Variants in GABRG3 observed in about 807,000 individuals in gnomAD.
The protein encoded by GABRG3 is gamma-aminobutyric acid receptor subunit gamma-3.
Under a neutral mutation model 48.8 loss-of-function variants are expected in GABRG3, and 25 were observed. The observed-to-expected ratio is 0.51, with a 90% CI of 0.37 to 0.72. GABRG3 has a LOEUF of 0.72. Among genes scored for constraint, GABRG3 ranks in the 30% least tolerant of loss-of-function variants. The pLI is 0.00. For missense variants in GABRG3, 394 were observed against 577.9 expected (o/e 0.68, Z 3.26); for synonymous variants, 227 against 217.6 (o/e 1.04, Z -0.38).
At chr15:27,266,107 C>T (rs558304188) in intron 3 of GABRG3, among the ~76,000 whole-genome samples, 13 of 152,004 alleles carry the variant, frequency 8.6e-5, no homozygotes, top group Middle Eastern at 3.4e-3. Context: ...CTTGAACTGC[C>T]GACCTCAGGT....
chr15:27,042,996 A>G lies in GABRG3; in HGVS notation c.270+16175A>G, dbSNP rs187176208. 9.5e-3 allele frequency among the ~76,000 whole-genome samples: 1,445 copies of G among 152,288 alleles called. 24 individuals are homozygous for G. The highest frequency in any genetic ancestry group is 0.033 in the African/African-American group (1,367 of 41,568). On this transcript the variant is annotated intron_variant, in intron 3 of 9. Coordinates refer to ENST00000615808, the MANE Select transcript of GABRG3 (RefSeq NM_033223.5). ...GTGGGGGCCTTGTATCCCTTTCTCC[A>G]GCCACGGGCTCCGCGTCCAGCCCTG...
At chr15:27,414,312 G>A (rs142309974) in intron 5 of GABRG3, among the ~76,000 whole-genome samples, 3 of 151,738 alleles carry the variant, frequency 2.0e-5, no homozygotes, top group East Asian at 3.9e-4. Flanking sequence ...TCTTTCTTCC[G>A]TGCTGTTATT....
Position 27,308,630 on chromosome 15 carries a change from T to TAATGTAAACATACGCTTATGTATAAAC in GABRG3, c.271-18178_271-18177insATGTAAACATACGCTTATGTATAAACA, listed in dbSNP as rs1566774794. On this transcript the variant is annotated intron_variant, in intron 3 of 9. Coordinates refer to ENST00000615808, the MANE Select transcript of GABRG3 (RefSeq NM_033223.5). ...GTAAACATACGCTTATATATAAACA[T>TAATGTAAACATACGCTTATGTATAAAC]ATAATGTAAACATACGCTTATGTAT... Among the ~76,000 whole-genome samples, 12 of 45,216 alleles carry TAATGTAAACATACGCTTATGTATAAAC rather than the reference T, an allele frequency of 2.7e-4. No homozygotes were observed. The South Asian group carries it at 2.7e-3, about 10-fold the overall frequency. 29.7% of individuals were successfully genotyped at this position (45,216 alleles called of 152,430 possible).
chr15:27,243,459 T>TGGA (rs1162107853), intron 3 of GABRG3, among the ~76,000 whole-genome samples: 31 of 152,222 alleles, frequency 2.0e-4, no homozygotes, highest in African/African-American at 7.2e-4. Flanking sequence ...ATACCCTGCT[T>TGGA]GCAGGGGACG....
intron 6 of GABRG3, among the ~76,000 whole-genome samples, chr15:27,490,888 A>AC (rs1208521344): frequency 1.2e-5 from 1 of 82,224 alleles, no homozygotes; most frequent in South Asian, 4.1e-4. Context: ...TCCTGCCACC[A>AC]CCCCCACCAC....
intron 6 of GABRG3, among the ~76,000 whole-genome samples, chr15:27,497,201 A>G (rs1326209579): frequency 1.3e-5 from 2 of 152,186 alleles, no homozygotes; most frequent in East Asian, 1.9e-4. Context: ...TCTGTTTTCC[A>G]AGGTTGTTTT....
At chr15:27,337,816 A>G (rs1894026717) in intron 5 of GABRG3, among the ~76,000 whole-genome samples, 1 of 152,212 alleles carries the variant, frequency 6.6e-6, no homozygotes, top group Non-Finnish European at 1.5e-5. Context: ...ATATGCATGT[A>G]TTTGTATGTG....
chr15:27,412,777 A>C (rs766954451), intron 5 of GABRG3, among the ~76,000 whole-genome samples: 1 of 152,208 alleles, frequency 6.6e-6, no homozygotes, highest in Non-Finnish European at 1.5e-5. Context: ...AAGGACTAGG[A>C]TTTTGTATCA....
intron 2 of GABRG3, among the ~76,000 whole-genome samples, chr15:27,021,040 G>T (rs144179822): frequency 9.9e-5 from 15 of 152,094 alleles, no homozygotes; most frequent in South Asian, 2.1e-4. Flanking sequence ...AACTGAAAAG[G>T]AATAATTCAG....
At chr15:26,999,117 G>A (rs1260282243) in intron 2 of GABRG3, among the ~76,000 whole-genome samples, 3 of 149,234 alleles carry the variant, frequency 2.0e-5, no homozygotes, top group Non-Finnish European at 4.4e-5. Context: ...ACCAACCATG[G>A]GTAGAAAATA....
chr15:27,197,410 G>A (rs150326838), intron 3 of GABRG3, among the ~76,000 whole-genome samples: 4 of 151,916 alleles, frequency 2.6e-5, no homozygotes, highest in Non-Finnish European at 5.9e-5. Context: ...GGGCTTTTGA[G>A]AATACTAATG....
chr15:27,350,964 T>G (rs1312435855), intron 5 of GABRG3, among the ~76,000 whole-genome samples: 6 of 151,108 alleles, frequency 4.0e-5, no homozygotes, highest in Non-Finnish European at 7.4e-5. Flanking sequence ...GTGCATATGG[T>G]GTGTGTTTGT....
At chr15:27,214,229 C>T (rs1889166321) in intron 3 of GABRG3, among the ~76,000 whole-genome samples, 1 of 152,148 alleles carries the variant, frequency 6.6e-6, no homozygotes, top group Non-Finnish European at 1.5e-5. Flanking sequence ...TAATGGTAGT[C>T]ATAGCAACAG....
chr15:27,100,383 A>G (rs747032331), intron 3 of GABRG3, among the ~76,000 whole-genome samples: 1 of 152,216 alleles, frequency 6.6e-6, no homozygotes, highest in African/African-American at 2.4e-5. Flanking sequence ...GTGTAACTGG[A>G]GAATTTTACC....
At position 27,536,423 on chromosome 15, in the gene GABRG3, T is replaced by C. The variant is rs943075769; in HGVS notation, c.*3542T>C. On this transcript the variant is annotated 3_prime_UTR_variant, in exon 10 of 10. Transcript: ENST00000615808. Reference sequence around the variant, plus strand: ...AATACACATCTTTTAAGATTTTCCATTTCCTGCAGTTAGCTATATTTCATG... The same window carrying C: ...AATACACATCTTTTAAGATTTTCCACTTCCTGCAGTTAGCTATATTTCATG... The C allele has an allele frequency of 6.6e-6, 1 of 152,222 alleles. No homozygotes were observed. Among genetic ancestry groups the C allele is most frequent in the Non-Finnish European group, 1.5e-5 (1 of 68,040 alleles). The allele number at this position is 152,222 out of a possible 1,614,324, so 9.4% of individuals were successfully genotyped here.
At chr15:27,308,009 C>T (rs536682747) in intron 3 of GABRG3, among the ~76,000 whole-genome samples, 2 of 133,828 alleles carry the variant, frequency 1.5e-5, no homozygotes, top group South Asian at 4.8e-4. Flanking sequence ...TTATAATAAA[C>T]GTATATATAA....
intron 3 of GABRG3, among the ~76,000 whole-genome samples, chr15:27,308,537 CATAT>C (rs199695873): frequency 1.9e-4 from 27 of 145,132 alleles, no homozygotes; most frequent in African/African-American, 2.3e-4. Context: ...TTTATATAAA[CATAT>C]ATAATGTAAA....
intron 5 of GABRG3, among the ~76,000 whole-genome samples, chr15:27,370,281 G>A (rs1204350179): frequency 6.6e-6 from 1 of 152,214 alleles, no homozygotes; most frequent in Admixed American, 6.5e-5. Context: ...AGAGTAGAAA[G>A]GGAATCTAAG....
At chr15:27,415,981 C>A (rs866261672) in intron 5 of GABRG3, among the ~76,000 whole-genome samples, 4 of 152,164 alleles carry the variant, frequency 2.6e-5, no homozygotes, top group African/African-American at 7.2e-5. Context: ...ACCATACCCC[C>A]CCTCTTTCTA....
Sources: gnomAD v4.1 joint callset for allele counts (sites outside exome capture counted in the v4.1 genomes callset) on GRCh38, gnomAD v4.1.1 for gene constraint, MANE v1.5 for transcripts, NCBI Gene and HGNC (gene_info 2026-07-23, HGNC 2026-07-21) for gene names.